The following KLHL1 variants were observed in gnomAD, a reference collection of about 807,000 sequenced individuals.
The protein encoded by KLHL1 is kelch like family member 1, also known as kelch-like protein 1.
A neutral mutation model predicts 77.7 loss-of-function variants in KLHL1; 47 were observed. The observed-to-expected ratio is 0.60, with a 90% CI of 0.48 to 0.77. The LOEUF is 0.77. Ranked by LOEUF, KLHL1 falls within the 30% of genes least tolerant of loss-of-function variation. The probability of loss-of-function intolerance (pLI) is 0.00; values close to 1 mark genes in which losing one functional copy is unlikely to be tolerated. For synonymous variants in KLHL1, 360 were observed against 325.2 expected, an observed-to-expected ratio of 1.11 and a Z score of -1.15; for missense variants, 925 against 910.8, an observed-to-expected ratio of 1.02 and a Z score of -0.20.
intron 7 of KLHL1, among the ~76,000 whole-genome samples, chr13:69,758,346 A>T (rs1456989013): frequency 6.6e-6 from 1 of 152,120 alleles, no homozygotes; most frequent in Non-Finnish European, 1.5e-5. Flanking sequence ...ACAAGATAAG[A>T]TTTCCGTAAA....
chr13:70,066,644 T>A (rs1887013222), intron 1 of KLHL1, among the ~76,000 whole-genome samples: 1 of 152,164 alleles, frequency 6.6e-6, no homozygotes, highest in South Asian at 2.1e-4. Flanking sequence ...TTGGGAGAAT[T>A]TTCTCTTATT....
chr13:69,975,473 A>C (rs1278705050), intron 2 of KLHL1, 147 bp downstream of exon 2: 17 of 680,416 alleles, frequency 2.5e-5, no homozygotes, highest in Non-Finnish European at 3.7e-5. Flanking sequence ...AAACAAGTAT[A>C]AACAAAACAA....
chr13:69,802,462 A>G (rs1877426965), intron 6 of KLHL1, among the ~76,000 whole-genome samples: 1 of 152,080 alleles, frequency 6.6e-6, no homozygotes, highest in South Asian at 2.1e-4. Context: ...CTTATGCCCA[A>G]TTTCTGCCTC....
chr13:69,785,833 C>T (rs188196838), intron 7 of KLHL1, among the ~76,000 whole-genome samples: 15 of 152,094 alleles, frequency 9.9e-5, no homozygotes, highest in East Asian at 5.8e-4. Flanking sequence ...ATATCGCCAC[C>T]GATCCCACAG....
At chr13:70,003,997 C>A (rs1175245164) in intron 1 of KLHL1, among the ~76,000 whole-genome samples, 1 of 151,712 alleles carries the variant, frequency 6.6e-6, no homozygotes, top group East Asian at 1.9e-4. Context: ...TGTATGAACT[C>A]ATCTTTAGTT....
At chr13:69,891,260 A>C (rs1392558503) in intron 4 of KLHL1, among the ~76,000 whole-genome samples, 1 of 152,040 alleles carries the variant, frequency 6.6e-6, no homozygotes, top group Non-Finnish European at 1.5e-5. Flanking sequence ...AGCACCCACT[A>C]AGTGGTAGCT....
At chr13:70,037,842 C>A (rs778852980) in intron 1 of KLHL1, among the ~76,000 whole-genome samples, 59 of 152,022 alleles carry the variant, frequency 3.9e-4, no homozygotes, top group Admixed American at 7.2e-4. Context: ...GGTTTTTTTG[C>A]CAATATGTGT....
intron 1 of KLHL1, among the ~76,000 whole-genome samples, chr13:70,008,490 G>C (rs763820769): frequency 2.0e-5 from 3 of 151,946 alleles, no homozygotes; most frequent in Non-Finnish European, 2.9e-5. Flanking sequence ...GTGCGTCATT[G>C]GCTATGCACC....
At chr13:69,912,095 A>G (rs1406598127) in intron 4 of KLHL1, among the ~76,000 whole-genome samples, 1 of 152,188 alleles carries the variant, frequency 6.6e-6, no homozygotes, top group Non-Finnish European at 1.5e-5. Flanking sequence ...CTCTTTGGAA[A>G]TGGAACCTCA....
chr13:69,708,639 A>G (rs1052005538), intron 9 of KLHL1, among the ~76,000 whole-genome samples: 1 of 151,990 alleles, frequency 6.6e-6, no homozygotes, highest in African/African-American at 2.4e-5. Context: ...TTTCAAGAAA[A>G]TTTGATAACC....
At chr13:69,962,854 A>C (rs1884108929) in intron 2 of KLHL1, among the ~76,000 whole-genome samples, 1 of 152,120 alleles carries the variant, frequency 6.6e-6, no homozygotes, top group South Asian at 2.1e-4. Context: ...TAAAGCAATT[A>C]CTTTTTTCTT....
chr13:70,108,262 CT>C lies in KLHL1; in HGVS notation c.-564del, dbSNP rs1209979675. The C allele has an allele frequency of 2.1e-5, 8 of 380,822 alleles. No homozygotes were observed. Among genetic ancestry groups the C allele is most frequent in the Non-Finnish European group, 3.7e-5 (8 of 215,798 alleles). The allele number at this position is 380,822 out of a possible 1,614,324, so 23.6% of individuals were successfully genotyped here. Reference sequence around the variant, plus strand: ...CAGATCTCTTGGTGCACCTGCGCCCCTGTCCCTGGCCTTTTCGAGGATGCCC... The same window carrying C: ...CAGATCTCTTGGTGCACCTGCGCCCCGTCCCTGGCCTTTTCGAGGATGCCC... On this transcript the variant is annotated 5_prime_UTR_variant, in exon 1 of 11. Coordinates refer to ENST00000377844, the MANE Select transcript of KLHL1 (RefSeq NM_020866.3).
chr13:70,052,356 T>C (rs1423935630), intron 1 of KLHL1, among the ~76,000 whole-genome samples: 2 of 151,882 alleles, frequency 1.3e-5, no homozygotes, highest in African/African-American at 2.4e-5. Context: ...ATATTTAAGT[T>C]ATCTATCATT....
At chr13:70,063,216 C>T (rs1456316125) in intron 1 of KLHL1, among the ~76,000 whole-genome samples, 1 of 152,094 alleles carries the variant, frequency 6.6e-6, no homozygotes. Context: ...ATGCATAAGG[C>T]CCTTAAGAGA....
chr13:69,909,180 A>T (rs1882150212), intron 4 of KLHL1, among the ~76,000 whole-genome samples: 1 of 151,550 alleles, frequency 6.6e-6, no homozygotes, highest in Non-Finnish European at 1.5e-5. Flanking sequence ...AGAGAGAGAA[A>T]GTGGAATATA....
rs866974648 is a variant in KLHL1 at position 69,757,117 on chromosome 13, C to A, written c.1640-16561G>T. Among the ~76,000 whole-genome samples the A allele has an allele frequency of 2.6e-5, 4 of 152,208 alleles. No individual in the cohort carries two copies. In the Middle Eastern group the frequency reaches 0.014, roughly 521 times the overall value. ...TTTTACCCAGTCCAAGCGATATGAT[C>A]CTAAATCTTTTAGAAACCTACATTC... On this transcript the variant is annotated intron_variant, in intron 7 of 10. Transcript: ENST00000377844.
chr13:69,905,346 A>G (rs1456728977), intron 4 of KLHL1, among the ~76,000 whole-genome samples: 1 of 152,116 alleles, frequency 6.6e-6, no homozygotes, highest in African/African-American at 2.4e-5. Context: ...TTGTATGTCA[A>G]TAAGAGCACC....
chr13:69,932,630 T>C (rs1030691465), intron 4 of KLHL1, among the ~76,000 whole-genome samples: 1 of 151,898 alleles, frequency 6.6e-6, no homozygotes, highest in African/African-American at 2.4e-5. Flanking sequence ...CTATGACAGC[T>C]CTTAAAAAAT....
At chr13:69,994,618 T>C (rs1885105474) in intron 1 of KLHL1, among the ~76,000 whole-genome samples, 1 of 152,062 alleles carries the variant, frequency 6.6e-6, no homozygotes, top group South Asian at 2.1e-4. Context: ...AAAAGTACAT[T>C]GGGAGTACCT....
Sources: gnomAD v4.1 joint callset for allele counts (sites outside exome capture counted in the v4.1 genomes callset) on GRCh38, gnomAD v4.1.1 for gene constraint, MANE v1.5 for transcripts, NCBI Gene and HGNC (gene_info 2026-07-23, HGNC 2026-07-21) for gene names.